Variants in CPLANE1 observed in about 807,000 individuals in gnomAD.
CPLANE1 encodes the protein ciliogenesis and planar polarity effector 1.
A neutral mutation model predicts 362.5 loss-of-function variants in CPLANE1; 263 were observed. The observed-to-expected ratio is 0.73, with a 90% CI of 0.66 to 0.80. CPLANE1 has a LOEUF of 0.80. CPLANE1 is among the 30% of genes least tolerant of loss of function. The pLI is 0.00. For missense variants in CPLANE1, 3,461 were observed against 3,793.4 expected (o/e 0.91, Z 2.30); for synonymous variants, 1,212 against 1,302.6 (o/e 0.93, Z 1.50).
downstream of CPLANE1, among the ~76,000 whole-genome samples, chr5:37,105,657 T>C (rs1305972726): frequency 6.6e-6 from 1 of 152,020 alleles, no homozygotes; most frequent in African/African-American, 2.4e-5. Flanking sequence ...AAGCAAAAAT[T>C]GACAAATAGA....
intron 34 of CPLANE1, among the ~76,000 whole-genome samples, chr5:37,167,874 C>A (rs1445002023): frequency 1.3e-5 from 2 of 152,154 alleles, no homozygotes; most frequent in Non-Finnish European, 2.9e-5. Flanking sequence ...GATGTAGAGG[C>A]ACAAAAACCA....
intron 38 of CPLANE1, 29 bp downstream of exon 38, chr5:37,162,436 A>AT: frequency 1.4e-6 from 2 of 1,403,438 alleles, no homozygotes; most frequent in Non-Finnish European, 1.0e-6. Context: ...AAATATATGA[A>AT]TTTTTTTAAA....
chr5:37,180,030 T>C lies in CPLANE1; in HGVS notation c.5724A>G (p.Ile1908Met). ...AFTEEEMDMH[I>M]SDYEEDIEES... ...AAATGAACTGACCTTCATAGTCTGATATGTGCATATCCATTTCCTCTTCTG... is the reference window on the plus strand; with the variant it reads ...AAATGAACTGACCTTCATAGTCTGACATGTGCATATCCATTTCCTCTTCTG... The change falls in exon 28 of 53, where the codon ATA becomes ATG. Residue 1908 changes from isoleucine to methionine, a missense_variant. By Grantham distance (10) the Ile-to-Met change is conservative. This residue lies in a region of CPLANE1 where 3,380 missense variants were observed against 3,666.1 expected (regional missense o/e 0.92). Transcript: ENST00000651892. 1.3e-6 allele frequency: 2 copies of C among 1,556,796 alleles called. No homozygotes were observed. The highest frequency in any genetic ancestry group is 1.2e-5 in the South Asian group (1 of 81,640).
Position 37,120,320 on chromosome 5 carries a change from CT to C in CPLANE1, c.9205del (p.Ser3069ValfsTer3). 6.3e-7 allele frequency: 1 copy of C among 1,586,592 alleles called. No homozygotes were observed. The highest frequency in any genetic ancestry group is 8.5e-7 in the Non-Finnish European group (1 of 1,170,588). ...SPRGENQHGH[S>X]FLINRPGKVK... is the part of the protein sequence containing the mutation. ...TTTTCCAGGTCGATTTATTAGAAAA[CT>C]GTGACCATGTTGATTCTCTCTATAG... On this transcript the variant is annotated frameshift_variant, in exon 50 of 53. Coordinates refer to ENST00000651892, the MANE Select transcript of CPLANE1 (RefSeq NM_001384732.1). LOFTEE classifies it high-confidence loss of function.
chr5:37,181,916 C>T (rs1782755250), intron 26 of CPLANE1, among the ~76,000 whole-genome samples: 1 of 151,810 alleles, frequency 6.6e-6, no homozygotes, highest in South Asian at 2.1e-4. Context: ...TATGATGAAA[C>T]CCCATCTCTA....
At chr5:37,102,742 T>G (rs1419891312), downstream of CPLANE1, among the ~76,000 whole-genome samples, 1 of 152,212 alleles carries the variant, frequency 6.6e-6, no homozygotes, top group Non-Finnish European at 1.5e-5. Context: ...TAATCTTGAG[T>G]TCTAACTTGA....
At position 37,213,664 on chromosome 5, in the gene CPLANE1, C is replaced by T. The variant is rs1048318459; in HGVS notation, c.2815G>A (p.Val939Ile). ...GCCATGAAACGAGCCATGGACTGGA[C>T]GACTCTCACTGCTGCCTCAGGATGA... is the stretch of plus-strand genomic sequence containing the variant. ...GVHPEAAVRVVQSMARFMAAY... is the reference protein window; with the variant it reads ...GVHPEAAVRVIQSMARFMAAY... Residue 939 changes from valine (V) to isoleucine (I), a missense_variant, in exon 16 of 53, where the codon GTC becomes ATC. Transcript: ENST00000651892. The T allele has an allele frequency of 2.2e-5, 34 of 1,543,442 alleles. No individual in the cohort carries two copies. Among genetic ancestry groups the T allele is most frequent in the Non-Finnish European group, 2.8e-5 (32 of 1,141,800 alleles).
the CPLANE1 span, among the ~76,000 whole-genome samples, chr5:37,097,604 G>T: frequency 6.6e-6 from 1 of 152,212 alleles, no homozygotes; most frequent in Non-Finnish European, 1.5e-5. Context: ...GCAGAGAGAA[G>T]TGCCTAGTCA....
intron 15 of CPLANE1, among the ~76,000 whole-genome samples, chr5:37,214,878 A>G (rs1793603724): frequency 6.6e-6 from 1 of 152,190 alleles, no homozygotes. Context: ...GAATAAGCAG[A>G]AAAAAATCAT....
chr5:37,179,374 T>C lies in CPLANE1; in HGVS notation c.5807A>G (p.Gln1936Arg). 6.2e-7 allele frequency: 1 copy of C among 1,607,222 alleles called. No homozygotes were observed. Among genetic ancestry groups the C allele is most frequent in the South Asian group, 1.1e-5 (1 of 90,366 alleles). The change falls in exon 29 of 53, where the codon CAG (glutamine) becomes CGG (arginine). Residue 1936 changes from glutamine (Q) to arginine (R), a missense_variant. Physicochemically the swap from Gln to Arg is conservative, Grantham distance 43. Coordinates refer to ENST00000651892, the MANE Select transcript of CPLANE1 (RefSeq NM_001384732.1). ...SLAICMMTLP[Q>R]QLEEEFTEEV... ...TTATTGACTTACTTCTTCTAACTGC[T>C]GTGGTAAAGTCATCATGCAAATGGC...
intron 47 of CPLANE1, among the ~76,000 whole-genome samples, chr5:37,123,974 C>G (rs1763439921): frequency 6.6e-6 from 1 of 151,052 alleles, no homozygotes; most frequent in African/African-American, 2.4e-5. Context: ...CAGTCTCTCT[C>G]AAACACACAT....
intron 23 of CPLANE1, among the ~76,000 whole-genome samples, chr5:37,187,060 C>CAAAAAAAAAAAAAAAACAAAA (rs1784241260): frequency 6.7e-4 from 34 of 50,402 alleles, no homozygotes; most frequent in African/African-American, 2.4e-3. Context: ...GACTCCGTCT[C>CAAAAAAAAAAAAAAAACAAAA]AAAAAAAAAA....
At chr5:37,119,628 C>G (rs1455463758) in intron 50 of CPLANE1, among the ~76,000 whole-genome samples, 1 of 150,934 alleles carries the variant, frequency 6.6e-6, no homozygotes, top group Non-Finnish European at 1.5e-5. Context: ...CAAGGTCACA[C>G]CATTGGCACT....
At chr5:37,236,874 A>G (rs1022406471) in intron 8 of CPLANE1, among the ~76,000 whole-genome samples, 2 of 152,190 alleles carry the variant, frequency 1.3e-5, no homozygotes, top group African/African-American at 4.8e-5. Context: ...GAGATAACAT[A>G]CCAGTCAGAA....
intron 46 of CPLANE1, among the ~76,000 whole-genome samples, chr5:37,126,014 G>C (rs1184700528): frequency 6.6e-6 from 1 of 152,156 alleles, no homozygotes; most frequent in Non-Finnish European, 1.5e-5. Context: ...AAGGCAGGCA[G>C]ACTGCTTTAG....
At chr5:37,172,850 GTGGTACA>G (rs1441980466) in intron 32 of CPLANE1, among the ~76,000 whole-genome samples, 2 of 152,166 alleles carry the variant, frequency 1.3e-5, no homozygotes, top group Admixed American at 6.5e-5. Flanking sequence ...GCCAGGCAAG[GTGGTACA>G]TGCCTATAAT....
the CPLANE1 span, among the ~76,000 whole-genome samples, chr5:37,082,226 C>A: frequency 6.6e-6 from 1 of 151,814 alleles, no homozygotes; most frequent in African/African-American, 2.4e-5. Flanking sequence ...GAAATAAAAA[C>A]TTAACCTCAA....
chr5:37,217,399 A>C (rs1380853869), intron 15 of CPLANE1, among the ~76,000 whole-genome samples: 1 of 151,970 alleles, frequency 6.6e-6, no homozygotes, highest in Non-Finnish European at 1.5e-5. Context: ...TGAGGTCAGG[A>C]GTTAGAGACC....
chr5:37,075,723 G>A, the CPLANE1 span, among the ~76,000 whole-genome samples: 1 of 152,172 alleles, frequency 6.6e-6, no homozygotes, highest in Non-Finnish European at 1.5e-5. Flanking sequence ...AGAACACATT[G>A]TAACCTGGAC....
Sources: allele counts gnomAD v4.1 joint callset (sites outside exome capture counted in the v4.1 genomes callset), GRCh38; gene constraint gnomAD v4.1.1; regional missense constraint gnomAD v4.1.1; transcripts MANE v1.5; gene names NCBI Gene and HGNC (gene_info 2026-07-23, HGNC 2026-07-21).